Variants in USP34 observed in about 807,000 individuals in gnomAD.
The protein encoded by USP34 is ubiquitin carboxyl-terminal hydrolase 34.
USP34 carries 70 observed loss-of-function variants against 460.3 expected under a neutral mutation model. The observed-to-expected ratio is 0.15, with a 90% confidence interval of 0.13 to 0.19. The LOEUF is 0.19. USP34 is among the 10% of genes least tolerant of loss of function. USP34 has a pLI of 1.00. For synonymous variants in USP34, 1,647 were observed against 1,405.3 expected (o/e 1.17, Z -3.85); for missense variants, 3,985 against 4,236.2 (o/e 0.94, Z 1.65).
At position 61,284,605 on chromosome 2, in the gene USP34, C is replaced by G. The variant is rs961004999; in HGVS notation, c.4832+270G>C. Among the ~76,000 whole-genome samples the G allele has an allele frequency of 1.2e-4, 19 of 152,222 alleles. 1 individual carries two copies. The South Asian group carries it at 3.9e-3, about 32-fold the overall frequency. ...CTCCTTGGTCTTAGGAGATACACAA[C>G]AAAGTACTGGTGAACAGTCATGATA... On this transcript the variant is annotated intron_variant, in intron 35 of 79. Coordinates refer to ENST00000398571, the MANE Select transcript of USP34 (RefSeq NM_014709.4).
chr2:61,463,849 C>A (rs1045292132), intron 1 of USP34, among the ~76,000 whole-genome samples: 3 of 150,006 alleles, frequency 2.0e-5, no homozygotes, highest in East Asian at 2.0e-4. Context: ...AAAAAAAAAA[C>A]TCTTAGCCTA....
chr2:61,427,264 G>A (rs1204936309), intron 1 of USP34, among the ~76,000 whole-genome samples: 14 of 152,112 alleles, frequency 9.2e-5, no homozygotes, highest in African/African-American at 2.9e-4. Flanking sequence ...TCCTGACCTC[G>A]TGATCCACCC....
intron 19 of USP34, among the ~76,000 whole-genome samples, chr2:61,332,557 C>G (rs1184596151): frequency 2.0e-5 from 3 of 151,960 alleles, no homozygotes; most frequent in African/African-American, 7.2e-5. Context: ...TTAATATGAA[C>G]CACCTCCACT....
At position 61,214,080 on chromosome 2, in the gene USP34, G is replaced by A. The variant is rs1353403854; in HGVS notation, c.8662C>T (p.His2888Tyr). The A allele has an allele frequency of 6.2e-7, 1 of 1,614,120 alleles. No homozygotes were observed. The highest frequency in any genetic ancestry group is 8.5e-7 in the Non-Finnish European group (1 of 1,180,052). The change falls in exon 68 of 80, where the codon CAT (histidine) becomes TAT (tyrosine). Residue 2888 changes from histidine to tyrosine, a missense_variant. This residue lies in a region of USP34 where 275 missense variants were observed against 292.7 expected (regional missense o/e 0.94). Coordinates refer to ENST00000398571, the MANE Select transcript of USP34 (RefSeq NM_014709.4). ...CTCACTCCAGGGTATTGGCTGGCATGTGGTGTAAGATTCTTAAAGGCCCAC... is the reference window on the plus strand; with the variant it reads ...CTCACTCCAGGGTATTGGCTGGCATATGGTGTAAGATTCTTAAAGGCCCAC... ...IQWAFKNLTPHASQYPGAVEE... is the reference protein window; with the variant it reads ...IQWAFKNLTPYASQYPGAVEE...
chr2:61,417,719 C>CTTTTTTTTTTTTCT (rs201901250), intron 2 of USP34, among the ~76,000 whole-genome samples: 6 of 130,774 alleles, frequency 4.6e-5, no homozygotes, highest in Non-Finnish European at 9.5e-5. Flanking sequence ...ATACTAAAAT[C>CTTTTTTTTTTTTCT]TTTTTTTTTT....
At chr2:61,277,969 G>A (rs907915691) in intron 41 of USP34, 196 bp downstream of exon 41, 28 of 640,124 alleles carry the variant, frequency 4.4e-5, no homozygotes, top group Middle Eastern at 4.5e-4. Flanking sequence ...GGACTTGCCC[G>A]GACTTGCCTT....
At chr2:61,256,640 G>T (rs2103895253) in intron 47 of USP34, among the ~76,000 whole-genome samples, 162 bp from the exon 48 acceptor site, 1 of 151,894 alleles carries the variant, frequency 6.6e-6, no homozygotes, top group East Asian at 1.9e-4. Flanking sequence ...CTCATATTAA[G>T]ATATTCTATG....
At chr2:61,465,837 C>G (rs1041205532) in intron 1 of USP34, among the ~76,000 whole-genome samples, 4 of 151,838 alleles carry the variant, frequency 2.6e-5, no homozygotes, top group African/African-American at 9.7e-5. Flanking sequence ...ATTAGCCGGG[C>G]GTGGTAGCGG....
chr2:61,281,321 G>A (rs1572897438), intron 37 of USP34, 79 bp from the exon 38 acceptor site: 2 of 1,478,046 alleles, frequency 1.4e-6, no homozygotes, highest in East Asian at 4.8e-5. Context: ...AATTTTAGGT[G>A]ATTTTAAATA....
intron 10 of USP34, among the ~76,000 whole-genome samples, chr2:61,369,553 G>A (rs564795312): frequency 7.1e-6 from 1 of 141,446 alleles, no homozygotes; most frequent in East Asian, 2.3e-4. Flanking sequence ...TGAGGCAGGA[G>A]AATCACTTGA....
chr2:61,417,239 G>A lies in USP34; in HGVS notation c.131+3507C>T, dbSNP rs959972763. ...AGGTCAGAAACACGAACATACATCT[G>A]AAAGGCCTGTCTCCAAGGTCCCTTA... On this transcript the variant is annotated intron_variant, in intron 2 of 79. Coordinates refer to ENST00000398571, the MANE Select transcript of USP34 (RefSeq NM_014709.4). 8 of 1,377,582 alleles carry A rather than the reference G, an allele frequency of 5.8e-6. No homozygotes were observed. In the African/African-American group the frequency reaches 7.1e-5, roughly 12 times the overall value. 85.3% of individuals were successfully genotyped at this position (1,377,582 alleles called of 1,614,324 possible).
intron 1 of USP34, among the ~76,000 whole-genome samples, chr2:61,466,867 G>A (rs189915370): frequency 6.7e-6 from 1 of 150,114 alleles, no homozygotes; most frequent in African/African-American, 2.5e-5. Context: ...AGCCGACACT[G>A]CATTCCAGCC....
intron 1 of USP34, among the ~76,000 whole-genome samples, chr2:61,464,432 C>CA (rs1695702614): frequency 6.6e-6 from 1 of 152,186 alleles, no homozygotes; most frequent in Non-Finnish European, 1.5e-5. Flanking sequence ...GTGATCTTGG[C>CA]AAACTACTTA....
intron 37 of USP34, among the ~76,000 whole-genome samples, chr2:61,282,804 GA>G (rs545250764): frequency 2.2e-5 from 3 of 138,018 alleles, no homozygotes; most frequent in South Asian, 2.3e-4. Flanking sequence ...CTCAAAGAAA[GA>G]AAAAAAAAAG....
chr2:61,230,323 C>G (rs1173195564), intron 58 of USP34, among the ~76,000 whole-genome samples: 2 of 151,972 alleles, frequency 1.3e-5, no homozygotes, highest in Admixed American at 6.6e-5. Context: ...GTCAGGAGTT[C>G]GAGACCAGCC....
At chr2:61,196,731 C>T (rs1326073990) in intron 75 of USP34, among the ~76,000 whole-genome samples, 1 of 152,050 alleles carries the variant, frequency 6.6e-6, no homozygotes, top group Non-Finnish European at 1.5e-5. Context: ...CAGGGTTCTG[C>T]CGTGTTGCCC....
chr2:61,296,700 G>A, intron 30 of USP34, 100 bp downstream of exon 30: 1 of 1,263,904 alleles, frequency 7.9e-7, no homozygotes, highest in South Asian at 1.9e-5. Context: ...ACTATATTCA[G>A]ATTTACTGAG....
At chr2:61,311,046 G>A (rs534386338) in intron 27 of USP34, among the ~76,000 whole-genome samples, 2 of 152,240 alleles carry the variant, frequency 1.3e-5, no homozygotes, top group South Asian at 4.1e-4. Flanking sequence ...GGTGAAGGGA[G>A]CCATGAACAT....
intron 32 of USP34, 133 bp downstream of exon 32, chr2:61,294,816 A>G: frequency 1.3e-6 from 1 of 753,918 alleles, no homozygotes; most frequent in Non-Finnish European, 2.1e-6. Flanking sequence ...TTAAAGTAAT[A>G]CATGATTTTT....
Sources: gnomAD v4.1 joint callset for allele counts (sites outside exome capture counted in the v4.1 genomes callset) on GRCh38, gnomAD v4.1.1 for gene constraint, gnomAD v4.1.1 regional missense constraint, MANE v1.5 for transcripts, NCBI Gene and HGNC (gene_info 2026-07-23, HGNC 2026-07-21) for gene names.